The following EPHA5 variants were observed in gnomAD, a reference collection of about 807,000 sequenced individuals.
EPHA5 encodes the protein EPH receptor A5.
EPHA5 carries 60 observed loss-of-function variants against 105.0 expected under a neutral mutation model. That is an observed-to-expected ratio of 0.57 (90% CI 0.46 to 0.71). The LOEUF (loss-of-function observed/expected upper bound fraction) is 0.71. Ranked by LOEUF, EPHA5 falls within the 30% of genes least tolerant of loss-of-function variation. The pLI, the probability that EPHA5 is intolerant of heterozygous loss-of-function variation, is 0.00. For synonymous variants in EPHA5, 513 were observed against 449.1 expected (o/e 1.14, Z -1.80); for missense variants, 1,218 against 1,274.7 (o/e 0.96, Z 0.68).
At chr4:65,570,370 A>C (rs1461625061) in intron 3 of EPHA5, among the ~76,000 whole-genome samples, 1 of 151,716 alleles carries the variant, frequency 6.6e-6, no homozygotes. Context: ...TTCTTTCTGA[A>C]TCTATTCATA....
chr4:65,403,569 A>G (rs766642243), intron 8 of EPHA5, among the ~76,000 whole-genome samples: 4 of 150,586 alleles, frequency 2.7e-5, no homozygotes, highest in Admixed American at 6.6e-5. Flanking sequence ...GTAGGAAAAC[A>G]GCATACTCTT....
At chr4:65,568,702 G>T (rs1297505188) in intron 3 of EPHA5, among the ~76,000 whole-genome samples, 1 of 150,620 alleles carries the variant, frequency 6.6e-6, no homozygotes, top group East Asian at 1.9e-4. Context: ...CATATCAATA[G>T]AAATAATATC....
At chr4:65,630,382 A>G (rs1746523514) in intron 2 of EPHA5, among the ~76,000 whole-genome samples, 2 of 152,148 alleles carry the variant, frequency 1.3e-5, no homozygotes, top group Admixed American at 6.5e-5. Context: ...CAGCATGAGC[A>G]CAACTCCAGT....
chr4:65,486,100 C>A (rs1301702098), intron 5 of EPHA5, among the ~76,000 whole-genome samples: 4 of 152,074 alleles, frequency 2.6e-5, no homozygotes, highest in African/African-American at 9.7e-5. Context: ...CTAAGGACAC[C>A]TCCCAGAGAT....
At chr4:65,501,197 A>G (rs1387654594) in intron 3 of EPHA5, among the ~76,000 whole-genome samples, 1 of 151,526 alleles carries the variant, frequency 6.6e-6, no homozygotes, top group Non-Finnish European at 1.5e-5. Context: ...ATTATTGCTT[A>G]TACCAAAATT....
intron 7 of EPHA5, among the ~76,000 whole-genome samples, chr4:65,409,445 C>A (rs999788001): frequency 6.6e-6 from 1 of 151,914 alleles, no homozygotes; most frequent in Non-Finnish European, 1.5e-5. Flanking sequence ...AATCATTATA[C>A]ATTTGCATCA....
At chr4:65,359,377 C>G (rs1717043078) in intron 11 of EPHA5, among the ~76,000 whole-genome samples, 1 of 151,570 alleles carries the variant, frequency 6.6e-6, no homozygotes, top group Non-Finnish European at 1.5e-5. Context: ...TTAAAGTTTA[C>G]TCATACTTCA....
At chr4:65,657,564 T>C (rs969038817) in intron 1 of EPHA5, among the ~76,000 whole-genome samples, 2 of 152,160 alleles carry the variant, frequency 1.3e-5, no homozygotes, top group African/African-American at 2.4e-5. Flanking sequence ...TAACTCGCTT[T>C]GGTTGGCAAA....
chr4:65,327,215 A>T (rs1197533668), intron 16 of EPHA5, among the ~76,000 whole-genome samples: 1 of 151,282 alleles, frequency 6.6e-6, no homozygotes, highest in Non-Finnish European at 1.5e-5. Flanking sequence ...GAGTTTATTG[A>T]AAAATGAAAT....
intron 3 of EPHA5, among the ~76,000 whole-genome samples, chr4:65,495,919 C>A (rs1731887389): frequency 6.6e-6 from 1 of 152,038 alleles, no homozygotes; most frequent in African/African-American, 2.4e-5. Flanking sequence ...AAATATTATT[C>A]CATGTACTGC....
At chr4:65,557,900 C>T (rs964775712) in intron 3 of EPHA5, among the ~76,000 whole-genome samples, 7 of 150,080 alleles carry the variant, frequency 4.7e-5, no homozygotes, top group Non-Finnish European at 1.0e-4. Flanking sequence ...TTTTTTTAGA[C>T]GGAGTCTAGC....
chr4:65,344,803 A>T (rs1254350890), intron 14 of EPHA5, among the ~76,000 whole-genome samples: 1 of 152,178 alleles, frequency 6.6e-6, no homozygotes, highest in Non-Finnish European at 1.5e-5. Context: ...CTAGACTAAG[A>T]TCAAGATCAA....
At chr4:65,325,159 A>G (rs192087134) in intron 16 of EPHA5, among the ~76,000 whole-genome samples, 77 of 151,542 alleles carry the variant, frequency 5.1e-4, no homozygotes, top group African/African-American at 1.8e-3. Context: ...ACCTTATTGA[A>G]CACATTATGT....
At chr4:65,389,490 A>C (rs528291810) in intron 8 of EPHA5, among the ~76,000 whole-genome samples, 1 of 152,148 alleles carries the variant, frequency 6.6e-6, no homozygotes, top group South Asian at 2.1e-4. Flanking sequence ...TGTATTAAAC[A>C]CTAAGGATAT....
At chr4:65,346,974 C>A (rs1042820487) in intron 14 of EPHA5, among the ~76,000 whole-genome samples, 2 of 152,224 alleles carry the variant, frequency 1.3e-5, no homozygotes, top group African/African-American at 4.8e-5. Flanking sequence ...TTAGTCTAGG[C>A]CTCCAGTTGT....
chr4:65,534,721 T>C (rs540631663), intron 3 of EPHA5, among the ~76,000 whole-genome samples: 1 of 152,316 alleles, frequency 6.6e-6, no homozygotes, highest in African/African-American at 2.4e-5. Context: ...GGGAGAAGTA[T>C]GGATCTCATT....
chr4:65,418,695 T>G (rs1299157832), intron 6 of EPHA5, among the ~76,000 whole-genome samples: 1 of 151,942 alleles, frequency 6.6e-6, no homozygotes, highest in Non-Finnish European at 1.5e-5. Context: ...GTAGAAACAT[T>G]AAAAACCTGT....
At chr4:65,557,194 G>T (rs977411157) in intron 3 of EPHA5, among the ~76,000 whole-genome samples, 9 of 131,694 alleles carry the variant, frequency 6.8e-5, no homozygotes, top group African/African-American at 2.3e-4. Flanking sequence ...AGCAGCTGTG[G>T]GTTGTGGCTG....
At chr4:65,574,717 T>C (rs1423036314) in intron 3 of EPHA5, among the ~76,000 whole-genome samples, 178 of 72,280 alleles carry the variant, frequency 2.5e-3, no homozygotes, top group African/African-American at 7.3e-3. Context: ...TACATATATA[T>C]ATACATATAT....
Sources: gnomAD v4.1 joint callset for allele counts (sites outside exome capture counted in the v4.1 genomes callset) on GRCh38, gnomAD v4.1.1 for gene constraint, MANE v1.5 for transcripts, NCBI Gene and HGNC (gene_info 2026-07-23, HGNC 2026-07-21) for gene names.